Variants in SLCO1B3 observed in about 807,000 individuals in gnomAD.
The protein encoded by SLCO1B3 is solute carrier organic anion transporter family member 1B3.
SLCO1B3 carries 72 observed loss-of-function variants against 71.8 expected under a neutral mutation model. The ratio of observed to expected loss-of-function variants is 1.00; its 90% CI spans 0.83 to 1.22. SLCO1B3 has a LOEUF of 1.22. Ranked by LOEUF, SLCO1B3 falls within the 50% of genes most tolerant of loss-of-function variation. The pLI is 0.00. For missense variants in SLCO1B3, 911 were observed against 819.7 expected, an observed-to-expected ratio of 1.11 and a Z score of -1.36; for synonymous variants, 298 against 278.4, an observed-to-expected ratio of 1.07 and a Z score of -0.70.
At position 20,855,086 on chromosome 12, in the gene SLCO1B3, T is replaced by C. The variant is rs774202726; in HGVS notation, c.143T>C (p.Met48Thr). 32 of 1,612,050 alleles carry C rather than the reference T, an allele frequency of 2.0e-5. No individual in the cohort carries two copies. Among genetic ancestry groups the C allele is most frequent in the Non-Finnish European group, 2.5e-5 (29 of 1,179,180 alleles). ...YIAKALGGII[M>T]KISITQIERR... The stretch of plus-strand genomic sequence containing the variant: ...GCTAAAGCACTAGGTGGAATCATTA[T>C]GAAAATTTCCATCACTCAAATAGAA... Residue 48 changes from methionine (M) to threonine (T), a missense_variant, in exon 4 of 16, where the codon ATG becomes ACG. Coordinates refer to ENST00000381545, the MANE Select transcript of SLCO1B3 (RefSeq NM_019844.4).
At chr12:20,834,848 C>G (rs1051007136) in intron 3 of SLCO1B3, among the ~76,000 whole-genome samples, 1 of 152,172 alleles carries the variant, frequency 6.6e-6, no homozygotes, top group Non-Finnish European at 1.5e-5. Context: ...CCTCTTCTCA[C>G]AGCTCCACTA....
intron 12 of SLCO1B3, among the ~76,000 whole-genome samples, chr12:20,881,231 C>A (rs1385490789): frequency 2.0e-5 from 3 of 152,088 alleles, no homozygotes; most frequent in Admixed American, 2.0e-4. Context: ...TTCTCTGTTA[C>A]TTGAATTCTA....
At chr12:20,843,780 C>CAA (rs550396701) in intron 3 of SLCO1B3, among the ~76,000 whole-genome samples, 15,043 of 132,658 alleles carry the variant, frequency 0.11, 1,031 homozygotes, top group Middle Eastern at 0.22. Flanking sequence ...GACTCTGTCT[C>CAA]AAAAAAAAAA....
rs575042742 is a variant in SLCO1B3, at chr12:20,889,438, A to G, written c.1682+5836A>G. On this transcript the variant is annotated intron_variant, in intron 13 of 15. Coordinates refer to ENST00000381545, the MANE Select transcript of SLCO1B3 (RefSeq NM_019844.4). ...TCCTGGTTCAAACGTGTGAGGTTGT[A>G]TGTTTCCAGGAATTTATCCATTTCC... Among the ~76,000 whole-genome samples, 42 of 152,104 alleles carry G rather than the reference A, an allele frequency of 2.8e-4. No homozygotes were observed. In the Middle Eastern group the frequency reaches 0.01, roughly 37 times the overall value.
At chr12:20,863,950 T>G (rs1865323062) in intron 8 of SLCO1B3, among the ~76,000 whole-genome samples, 1 of 152,148 alleles carries the variant, frequency 6.6e-6, no homozygotes, top group African/African-American at 2.4e-5. Flanking sequence ...TCTTAGATTT[T>G]TTTTTAAATA....
At position 20,875,559 on chromosome 12, in the gene SLCO1B3, C is replaced by A. The variant is rs535243630; in HGVS notation, c.970+82C>A. ...AGTGAGTAAAAAAAAATAAAGCATA[C>A]TCAAATCATCTAGAGTCAGCTTTCT... On this transcript the variant is annotated intron_variant, in intron 9 of 15. Transcript: ENST00000381545. 42 of 1,355,996 alleles carry A rather than the reference C, an allele frequency of 3.1e-5. No individual in the cohort carries two copies. In the South Asian group the frequency reaches 3.5e-4, roughly 11 times the overall value. 84.0% of individuals were successfully genotyped at this position (1,355,996 alleles called of 1,614,324 possible).
intron 3 of SLCO1B3, among the ~76,000 whole-genome samples, chr12:20,832,540 CT>C (rs1489501389): frequency 6.6e-6 from 1 of 151,886 alleles, no homozygotes; most frequent in Non-Finnish European, 1.5e-5. Context: ...CCCTTTCTGC[CT>C]TCATTGTCAC....
At chr12:20,862,957 A>G (rs1036971721) in intron 8 of SLCO1B3, 103 bp downstream of exon 8, 4 of 578,598 alleles carry the variant, frequency 6.9e-6, no homozygotes, top group Non-Finnish European at 1.2e-5. Context: ...TTTGTTTACT[A>G]TTTTTCAAGA....
intron 13 of SLCO1B3, among the ~76,000 whole-genome samples, chr12:20,890,737 C>A (rs914578923): frequency 8.5e-5 from 13 of 152,234 alleles, no homozygotes; most frequent in Non-Finnish European, 1.8e-4. Flanking sequence ...GTTATATCTT[C>A]TTGTTTAATT....
intron 13 of SLCO1B3, among the ~76,000 whole-genome samples, chr12:20,892,593 G>A (rs1865925694): frequency 6.6e-6 from 1 of 152,108 alleles, no homozygotes; most frequent in South Asian, 2.1e-4. Flanking sequence ...TGGGTAAAAG[G>A]CAGGTAAATG....
intron 5 of SLCO1B3, among the ~76,000 whole-genome samples, chr12:20,860,202 GC>G (rs1865232275): frequency 6.6e-6 from 1 of 151,976 alleles, no homozygotes; most frequent in Admixed American, 6.5e-5. Flanking sequence ...TGATCTGCCC[GC>G]CTCCACCTCC....
intron 3 of SLCO1B3, among the ~76,000 whole-genome samples, chr12:20,851,544 A>C (rs1211948400): frequency 6.6e-6 from 1 of 152,104 alleles, no homozygotes; most frequent in Non-Finnish European, 1.5e-5. Flanking sequence ...AAGTTGCAGA[A>C]GTTACTTATA....
intron 2 of SLCO1B3, among the ~76,000 whole-genome samples, chr12:20,814,102 A>G (rs1444114007): frequency 6.6e-6 from 1 of 152,046 alleles, no homozygotes; most frequent in Non-Finnish European, 1.5e-5. Context: ...ATATACCTAT[A>G]TCTATGTTAT....
chr12:20,850,627 A>G (rs1388766316), intron 3 of SLCO1B3, among the ~76,000 whole-genome samples: 1 of 152,170 alleles, frequency 6.6e-6, no homozygotes, highest in Non-Finnish European at 1.5e-5. Flanking sequence ...ATAGTACTTG[A>G]TAGGTAGTTT....
chr12:20,846,771 T>C lies in SLCO1B3; in HGVS notation c.85-8257T>C, dbSNP rs1036138330. Among the ~76,000 whole-genome samples, 4 of 151,286 alleles carry C rather than the reference T, an allele frequency of 2.6e-5. No individual in the cohort carries two copies. In the Admixed American group the frequency reaches 2.6e-4, roughly 10 times the overall value. The stretch of plus-strand genomic sequence containing the variant: ...GAGAAGGTTCAGTGGGGCAGGGGAG[T>C]TATTTTTTAAAATAAAATAAACTGT... On this transcript the variant is annotated intron_variant, in intron 3 of 15. Transcript: ENST00000381545.
chr12:20,862,549 T>C lies in SLCO1B3; in HGVS notation c.619T>C (p.Leu207=). 6.2e-7 allele frequency: 1 copy of C among 1,608,592 alleles called. No individual in the cohort carries two copies. Among genetic ancestry groups the C allele is most frequent in the Non-Finnish European group, 8.5e-7 (1 of 1,176,314 alleles). The change falls in exon 7 of 16, where the codon TTG becomes CTG. Residue 207 remains leucine, a synonymous_variant. Coordinates refer to ENST00000381545, the MANE Select transcript of SLCO1B3 (RefSeq NM_019844.4). ...TTTTGCAAAAGAAGGACATTCTTCC[T>C]TGTATTTAGGTAACGTACAGAATAT... ...DDFAKEGHSS[L]YLGSLNAIGM...
chr12:20,826,139 T>C (rs371400934), intron 3 of SLCO1B3, among the ~76,000 whole-genome samples: 2 of 152,090 alleles, frequency 1.3e-5, no homozygotes, highest in African/African-American at 4.8e-5. Context: ...GGGTGATAAA[T>C]GAAAATTCTT....
At chr12:20,852,102 T>C (rs1865036571) in intron 3 of SLCO1B3, among the ~76,000 whole-genome samples, 1 of 152,172 alleles carries the variant, frequency 6.6e-6, no homozygotes. Context: ...CATCCAGCTG[T>C]GTTATTCTTC....
At chr12:20,875,747 T>C (rs1014324885) in intron 9 of SLCO1B3, among the ~76,000 whole-genome samples, 4 of 152,154 alleles carry the variant, frequency 2.6e-5, no homozygotes, top group Non-Finnish European at 4.4e-5. Flanking sequence ...CCAGAGTATA[T>C]ATTCATTTTA....
Sources: gnomAD v4.1 joint callset for allele counts (sites outside exome capture counted in the v4.1 genomes callset) on GRCh38, gnomAD v4.1.1 for gene constraint, MANE v1.5 for transcripts, NCBI Gene and HGNC (gene_info 2026-07-23, HGNC 2026-07-21) for gene names.